NT5C3A: variants seen among roughly 807,000 people sequenced by gnomAD.
The protein encoded by NT5C3A is 5'-nucleotidase, cytosolic IIIA, also known as cytosolic 5'-nucleotidase 3A.
A neutral mutation model predicts 40.0 loss-of-function variants in NT5C3A; 23 were observed. That is an observed-to-expected ratio of 0.58 (90% CI 0.41 to 0.81). The LOEUF is 0.81. Among genes scored for constraint, NT5C3A ranks in the 40% least tolerant of loss-of-function variants. The pLI, the probability that NT5C3A is intolerant of heterozygous loss-of-function variation, is 0.00. For synonymous variants in NT5C3A, 130 were observed against 141.4 expected, an observed-to-expected ratio of 0.92 and a Z score of 0.57; for missense variants, 328 against 403.0, an observed-to-expected ratio of 0.81 and a Z score of 1.59.
At chr7:33,054,570 G>A (rs1335651321) in intron 1 of NT5C3A, among the ~76,000 whole-genome samples, 2 of 151,974 alleles carry the variant, frequency 1.3e-5, no homozygotes, top group Non-Finnish European at 2.9e-5. Flanking sequence ...GGGTATTTTG[G>A]GATTTTGGAA....
intron 1 of NT5C3A, among the ~76,000 whole-genome samples, chr7:33,049,222 C>A (rs1243619603): frequency 6.6e-6 from 1 of 152,062 alleles, no homozygotes; most frequent in Non-Finnish European, 1.5e-5. Context: ...AGCAACATTG[C>A]CTGACAAAGT....
At chr7:33,042,891 T>TA (rs1417195899) in intron 1 of NT5C3A, among the ~76,000 whole-genome samples, 2 of 152,186 alleles carry the variant, frequency 1.3e-5, no homozygotes, top group African/African-American at 4.8e-5. Flanking sequence ...TGTTCACTAA[T>TA]ACAGAAGAGG....
At chr7:33,033,875 G>A (rs1786424579) in intron 1 of NT5C3A, among the ~76,000 whole-genome samples, 1 of 67,838 alleles carries the variant, frequency 1.5e-5, no homozygotes, top group African/African-American at 7.1e-5. Context: ...CAATATAAAA[G>A]ACATATATAT....
intron 1 of NT5C3A, among the ~76,000 whole-genome samples, chr7:33,041,987 T>C (rs1444556840): frequency 6.6e-6 from 1 of 152,162 alleles, no homozygotes; most frequent in East Asian, 1.9e-4. Flanking sequence ...TGAAGTATCG[T>C]TCTCTATTAA....
intron 7 of NT5C3A, among the ~76,000 whole-genome samples, chr7:33,016,881 A>C (rs984236997): frequency 2.0e-5 from 3 of 152,016 alleles, no homozygotes; most frequent in Non-Finnish European, 4.4e-5. Flanking sequence ...CTGCATTAAA[A>C]TATTTTAAAG....
At chr7:33,015,900 C>T in intron 7 of NT5C3A, 30 bp from the exon 8 acceptor site, 1 of 1,438,764 alleles carries the variant, frequency 7.0e-7, no homozygotes, top group East Asian at 2.3e-5. Flanking sequence ...TTTGAACAGG[C>T]TTTAAAAATT....
chr7:33,016,041 G>C, intron 7 of NT5C3A, 171 bp from the exon 8 acceptor site: 1 of 617,438 alleles, frequency 1.6e-6, no homozygotes, highest in Non-Finnish European at 2.9e-6. Flanking sequence ...TAGCTAAGAA[G>C]GGCTCGGAGA....
rs1349810488 is a variant in NT5C3A, at chr7:33,061,614, A to T, written c.138+954T>A. Among the ~76,000 whole-genome samples, 6 of 152,368 alleles carry T rather than the reference A, an allele frequency of 3.9e-5. 1 individual carries two copies. The South Asian group carries it at 1.0e-3, about 26-fold the overall frequency. On this transcript the variant is annotated intron_variant, in intron 1 of 8. Coordinates refer to ENST00000610140, the MANE Select transcript of NT5C3A (RefSeq NM_001002010.5). ...CAAATCGTGTCTTTCGTCAGTTGGA[A>T]CATATTGCAGGTGCTCAGAAATTCC... is the stretch of plus-strand genomic sequence containing the variant.
At chr7:33,015,944 A>C in intron 7 of NT5C3A, 74 bp from the exon 8 acceptor site, 1 of 941,612 alleles carries the variant, frequency 1.1e-6, no homozygotes, top group East Asian at 2.4e-5. Flanking sequence ...TGGAGCTCTT[A>C]ATTGATGTCA....
chr7:33,021,285 A>G lies in NT5C3A; in HGVS notation c.427T>C (p.Tyr143His), dbSNP rs751966921. Residue 143 changes from tyrosine to histidine, a missense_variant, in exon 5 of 9, where the codon TAT (tyrosine) becomes CAT (histidine). Transcript: ENST00000610140. ...ATATACACTTACCATTCCACCATATAAGGGTACTTCTCTTCTACAGTAAGA... is the reference window on the plus strand; with the variant it reads ...ATATACACTTACCATTCCACCATATGAGGGTACTTCTCTTCTACAGTAAGA... ...PVLTVEEKYPYMVEWYTKSHG... is the reference protein window; with the variant it reads ...PVLTVEEKYPHMVEWYTKSHG... The G allele has an allele frequency of 1.9e-5, 31 of 1,612,336 alleles. No individual in the cohort carries two copies. The highest frequency in any genetic ancestry group is 2.5e-5 in the Non-Finnish European group (29 of 1,178,936).
At chr7:33,026,249 G>A (rs868817403) in intron 2 of NT5C3A, among the ~76,000 whole-genome samples, 2 of 146,962 alleles carry the variant, frequency 1.4e-5, no homozygotes, top group Admixed American at 7.0e-5. Context: ...TCGGGGAGGC[G>A]GAGGTACGAA....
chr7:33,016,424 C>A (rs985748831), intron 7 of NT5C3A, among the ~76,000 whole-genome samples: 4 of 151,316 alleles, frequency 2.6e-5, no homozygotes, highest in Admixed American at 1.3e-4. Context: ...GTAATTCCAG[C>A]ACTTTGGGAG....
At position 33,048,320 on chromosome 7, in the gene NT5C3A, C is replaced by T. The variant is rs115744866; in HGVS notation, c.138+14248G>A. ...TCCACCTCCCAACGTGCTGGGATTA[C>T]AGGTATGAGCCACCTTGCCCGGCCT... On this transcript the variant is annotated intron_variant, in intron 1 of 8. Coordinates refer to ENST00000610140, the MANE Select transcript of NT5C3A (RefSeq NM_001002010.5). Among the ~76,000 whole-genome samples, 336 of 152,098 alleles carry T rather than the reference C, an allele frequency of 2.2e-3. 1 individual carries two copies. Among genetic ancestry groups the T allele is most frequent in the African/African-American group, 7.7e-3 (321 of 41,496 alleles).
intron 7 of NT5C3A, 70 bp downstream of exon 7, chr7:33,017,369 A>G (rs1785390445): frequency 7.9e-7 from 1 of 1,264,926 alleles, no homozygotes; most frequent in Non-Finnish European, 1.1e-6. Context: ...ATTAAGTAAC[A>G]ATAAATAAAT....
chr7:33,047,394 AAAC>A (rs1202103750), intron 1 of NT5C3A, among the ~76,000 whole-genome samples: 1 of 152,218 alleles, frequency 6.6e-6, no homozygotes, highest in Non-Finnish European at 1.5e-5. Flanking sequence ...AGAGAACAAT[AAAC>A]AAAATTATTT....
At chr7:33,025,685 C>A (rs28439161) in intron 2 of NT5C3A, among the ~76,000 whole-genome samples, 110,054 of 151,774 alleles carry the variant, frequency 0.73, 40,116 homozygotes, top group African/African-American at 0.79. Context: ...GAGTTAGCTT[C>A]TTACTTAAGA....
intron 1 of NT5C3A, among the ~76,000 whole-genome samples, chr7:33,039,270 T>G (rs560597755): frequency 6.6e-6 from 1 of 152,282 alleles, no homozygotes; most frequent in South Asian, 2.1e-4. Flanking sequence ...GAATGCAAAC[T>G]GATTACTTTT....
intron 1 of NT5C3A, among the ~76,000 whole-genome samples, chr7:33,037,131 A>G (rs1318902407): frequency 6.6e-6 from 1 of 152,208 alleles, no homozygotes; most frequent in African/African-American, 2.4e-5. Flanking sequence ...ATTTTTTAAT[A>G]TGATATGACT....
intron 1 of NT5C3A, chr7:33,035,814 T>C: frequency 1.3e-6 from 1 of 797,200 alleles, no homozygotes; most frequent in Admixed American, 1.8e-5. Context: ...TATTTTGTGA[T>C]GCACTGTGAA....
Sources: gnomAD v4.1 joint callset for allele counts (sites outside exome capture counted in the v4.1 genomes callset) on GRCh38, gnomAD v4.1.1 for gene constraint, MANE v1.5 for transcripts, NCBI Gene and HGNC (gene_info 2026-07-23, HGNC 2026-07-21) for gene names.